The following JAK1 variants were observed in gnomAD, a reference collection of about 807,000 sequenced individuals.
JAK1 encodes the protein Janus kinase 1, also known as tyrosine-protein kinase JAK1.
Under a neutral mutation model 136.6 loss-of-function variants are expected in JAK1, and 16 were observed. That is an observed-to-expected ratio of 0.12 (90% CI 0.08 to 0.18). JAK1 has a LOEUF of 0.18. Among genes scored for constraint, JAK1 ranks in the 10% least tolerant of loss-of-function variants. The pLI, the probability that JAK1 is intolerant of heterozygous loss-of-function variation, is 1.00. For synonymous variants in JAK1, 492 were observed against 519.5 expected (o/e 0.95, Z 0.72); for missense variants, 859 against 1,450.1 (o/e 0.59, Z 6.62).
Position 64,844,393 on chromosome 1 carries a change from G to A in JAK1, c.2252-178C>T, listed in dbSNP as rs958486214. 3.3e-5 allele frequency among the ~76,000 whole-genome samples: 5 copies of A among 152,316 alleles called. No homozygotes were observed. Among genetic ancestry groups the A allele is most frequent in the African/African-American group, 1.2e-4 (5 of 41,580 alleles). ...GGCCTGCAGGCGTGCAGCCCTCCAA[G>A]CCACCACCAGCACTTCTGATACATC... On this transcript the variant is annotated intron_variant, in intron 16 of 24. Coordinates refer to ENST00000342505, the MANE Select transcript of JAK1 (RefSeq NM_002227.4). The surrounding 1 kb of genome is among the most constrained non-coding windows in gnomAD (Gnocchi z 5.7).
chr1:65,006,763 C>G (rs775130876), intron 2 of JAK1, among the ~76,000 whole-genome samples: 2 of 152,148 alleles, frequency 1.3e-5, no homozygotes, highest in African/African-American at 2.4e-5. Context: ...CCTGTAGATT[C>G]ACTGAATTAC....
chr1:65,008,163 G>A (rs973078479), intron 2 of JAK1, among the ~76,000 whole-genome samples: 1 of 152,168 alleles, frequency 6.6e-6, no homozygotes, highest in African/African-American at 2.4e-5. Flanking sequence ...GAAGCCACCC[G>A]TATGGGATGG....
At chr1:64,902,583 A>AGTGTGTGTGTGTGT (rs1297802875) in intron 1 of JAK1, among the ~76,000 whole-genome samples, 24 of 73,792 alleles carry the variant, frequency 3.3e-4, no homozygotes, top group Non-Finnish European at 3.1e-4. Flanking sequence ...AGAGAGAGAG[A>AGTGTGTGTGTGTGT]GTGTGTGTGT....
At chr1:64,945,042 G>A (rs147572785) in intron 1 of JAK1, among the ~76,000 whole-genome samples, 1 of 151,570 alleles carries the variant, frequency 6.6e-6, no homozygotes, top group Non-Finnish European at 1.5e-5. Flanking sequence ...GGAGCACATC[G>A]GGATGGGCAG....
At chr1:65,062,126 G>A (rs1647819295) in intron 1 of JAK1, among the ~76,000 whole-genome samples, 1 of 151,960 alleles carries the variant, frequency 6.6e-6, no homozygotes, top group South Asian at 2.1e-4. Context: ...GTCCAAAAAG[G>A]CTCCAGGAGA....
intron 2 of JAK1, among the ~76,000 whole-genome samples, chr1:64,998,273 C>T (rs961527932): frequency 6.6e-6 from 1 of 152,172 alleles, no homozygotes; most frequent in Non-Finnish European, 1.5e-5. Flanking sequence ...GTAAAAGAGA[C>T]AACAGCTGGG....
chr1:65,009,070 GT>G (rs1417974802), intron 2 of JAK1, among the ~76,000 whole-genome samples: 3 of 152,166 alleles, frequency 2.0e-5, no homozygotes, highest in Non-Finnish European at 4.4e-5. Context: ...TCACTACACA[GT>G]TGTTTATAAT....
At chr1:64,865,053 C>G in intron 7 of JAK1, 81 bp from the exon 8 acceptor site, 6 of 1,109,036 alleles carry the variant, frequency 5.4e-6, no homozygotes, top group Non-Finnish European at 7.8e-6. Flanking sequence ...GCTGGGAAAC[C>G]TATGCAGGGC....
At chr1:64,965,057 A>G (rs1311843622) in intron 1 of JAK1, among the ~76,000 whole-genome samples, 4 of 152,240 alleles carry the variant, frequency 2.6e-5, no homozygotes, top group Admixed American at 2.6e-4. Context: ...CGAATTGCTC[A>G]TCTTAAACAA....
At chr1:64,950,280 C>T (rs1458247876) in intron 1 of JAK1, among the ~76,000 whole-genome samples, 7 of 151,822 alleles carry the variant, frequency 4.6e-5, no homozygotes, top group South Asian at 2.1e-4. Context: ...TGGTGGCGGG[C>T]GCCTGTAGTC....
At chr1:65,047,678 C>T (rs972498728) in intron 1 of JAK1, among the ~76,000 whole-genome samples, 12 of 151,424 alleles carry the variant, frequency 7.9e-5, no homozygotes, top group African/African-American at 2.4e-4. Flanking sequence ...GAGATCACGC[C>T]ACTGCACTCC....
intron 1 of JAK1, among the ~76,000 whole-genome samples, chr1:64,887,364 CAATT>C (rs1214624503): frequency 3.3e-5 from 5 of 152,126 alleles, no homozygotes; most frequent in Non-Finnish European, 7.3e-5. Flanking sequence ...TTAATATAAT[CAATT>C]GTTTTAATTA....
intron 5 of JAK1, among the ~76,000 whole-genome samples, chr1:64,872,096 A>G (rs908346563): frequency 6.6e-6 from 1 of 152,064 alleles, no homozygotes; most frequent in Non-Finnish European, 1.5e-5. Flanking sequence ...GCCTTCCCCC[A>G]TTCTGTTCCC....
chr1:64,942,850 C>T (rs903190087), intron 1 of JAK1, among the ~76,000 whole-genome samples: 1 of 152,112 alleles, frequency 6.6e-6, no homozygotes, highest in African/African-American at 2.4e-5. Flanking sequence ...GCTTACACCA[C>T]TTTCCTGTTC....
intron 1 of JAK1, among the ~76,000 whole-genome samples, chr1:64,929,610 A>G (rs929667750): frequency 6.6e-6 from 1 of 152,204 alleles, no homozygotes; most frequent in Non-Finnish European, 1.5e-5. Flanking sequence ...CTTGTAAGTT[A>G]TGATACCTAC....
chr1:65,065,918 G>A (rs1648019718), intron 1 of JAK1, among the ~76,000 whole-genome samples: 2 of 149,772 alleles, frequency 1.3e-5, no homozygotes, highest in South Asian at 4.4e-4. Context: ...CTATTTGCTG[G>A]TTGGTGGGGG....
intron 2 of JAK1, among the ~76,000 whole-genome samples, chr1:65,028,919 A>G (rs1282783885): frequency 6.6e-6 from 1 of 152,196 alleles, no homozygotes; most frequent in East Asian, 1.9e-4. Context: ...TCAGTGCCAA[A>G]TAAGAGGAAA....
At chr1:64,886,143 A>G (rs1644848902) in intron 2 of JAK1, 116 bp downstream of exon 2, 2 of 644,754 alleles carry the variant, frequency 3.1e-6, no homozygotes, top group East Asian at 2.9e-5. Flanking sequence ...AAATACATCA[A>G]TTTCAAAAAA....
At chr1:65,065,591 G>C (rs1648003196) in intron 1 of JAK1, among the ~76,000 whole-genome samples, 1 of 151,516 alleles carries the variant, frequency 6.6e-6, no homozygotes, top group Non-Finnish European at 1.5e-5. Flanking sequence ...GGAATATTCA[G>C]GACAGGAGAC....
Sources: gnomAD v4.1 joint callset for allele counts (sites outside exome capture counted in the v4.1 genomes callset) on GRCh38, gnomAD v4.1.1 for gene constraint, Gnocchi (gnomAD v3.1) non-coding constraint, MANE v1.5 for transcripts, NCBI Gene and HGNC (gene_info 2026-07-23, HGNC 2026-07-21) for gene names.